Variants in KMT2E observed in about 807,000 individuals in gnomAD.
The protein encoded by KMT2E is histone reader KMT2E.
KMT2E carries 30 observed loss-of-function variants against 184.6 expected under a neutral mutation model. That is an observed-to-expected ratio of 0.16 (90% CI 0.12 to 0.22). The LOEUF is 0.22. Ranked by LOEUF, KMT2E falls within the 10% of genes least tolerant of loss-of-function variation. KMT2E has a pLI of 1.00. For synonymous variants in KMT2E, 815 were observed against 776.5 expected (o/e 1.05, Z -0.82); for missense variants, 2,023 against 2,237.4 (o/e 0.90, Z 1.93).
At chr7:105,031,477 C>T (rs1795414008) in intron 1 of KMT2E, among the ~76,000 whole-genome samples, 1 of 151,958 alleles carries the variant, frequency 6.6e-6, no homozygotes, top group South Asian at 2.1e-4. Context: ...AAAGGTGAGG[C>T]ACGGTGGCTC....
chr7:105,020,572 A>AAACTGC (rs1443958953), intron 1 of KMT2E, among the ~76,000 whole-genome samples: 3 of 152,208 alleles, frequency 2.0e-5, no homozygotes, highest in Non-Finnish European at 4.4e-5. Flanking sequence ...GCAACGAGCG[A>AAACTGC]AACTGCATCT....
intron 15 of KMT2E, among the ~76,000 whole-genome samples, chr7:105,100,160 C>G (rs1798592448): frequency 6.6e-6 from 1 of 152,156 alleles, no homozygotes; most frequent in African/African-American, 2.4e-5. Flanking sequence ...TCAGTTTCCT[C>G]AGAGTCATGT....
intron 1 of KMT2E, among the ~76,000 whole-genome samples, chr7:105,024,626 A>C (rs1381158131): frequency 6.6e-6 from 1 of 152,152 alleles, no homozygotes; most frequent in Non-Finnish European, 1.5e-5. Flanking sequence ...GCTCCAGCTC[A>C]TTTTTATATT....
intron 3 of KMT2E, among the ~76,000 whole-genome samples, chr7:105,051,881 G>A (rs564381168): frequency 6.6e-6 from 1 of 152,142 alleles, no homozygotes; most frequent in African/African-American, 2.4e-5. Context: ...GAACCGCCGC[G>A]CCTGGCCAAA....
chr7:105,068,601 G>A (rs1048913045), intron 6 of KMT2E, among the ~76,000 whole-genome samples: 29 of 145,264 alleles, frequency 2.0e-4, no homozygotes, highest in Admixed American at 2.7e-4. Context: ...TACAGGCATC[G>A]CCACCATGCC....
Position 105,111,854 on chromosome 7 carries a change from T to C in KMT2E, c.4098T>C (p.Ala1366=), listed in dbSNP as rs1584816488. ...GTTCACCTGGATCTGTAATTCCTGCTCAAGCACACGGGAAAATATTCACAA... is the reference window on the plus strand; with the variant it reads ...GTTCACCTGGATCTGTAATTCCTGCCCAAGCACACGGGAAAATATTCACAA... ...KPGSPGSVIP[A]QAHGKIFTKP... The change falls in exon 27 of 27, where the codon GCT becomes GCC. Residue 1366 remains alanine (A), a synonymous_variant. Coordinates refer to ENST00000311117, the MANE Select transcript of KMT2E (RefSeq NM_182931.3). 6.8e-6 allele frequency: 11 copies of C among 1,613,602 alleles called. No individual in the cohort carries two copies. The highest frequency in any genetic ancestry group is 9.3e-6 in the Non-Finnish European group (11 of 1,179,904).
In KMT2E at chr7:105,109,020, A is replaced by G. The variant is rs765742370; in HGVS notation, c.3547A>G (p.Ser1183Gly). 1.2e-6 allele frequency: 2 copies of G among 1,614,140 alleles called. No homozygotes were observed. The highest frequency in any genetic ancestry group is 2.2e-5 in the South Asian group (2 of 91,084). ...TAAGACAGAGAACTTTCCACTCATT[A>G]GTGTATCACCCCATGCAAGTGGAAG... ...GSKTENFPLI[S>G]VSPHASGSLS... The change falls in exon 23 of 27, where the codon AGT becomes GGT. Residue 1183 changes from serine to glycine, a missense_variant. Physicochemically the swap from Ser to Gly is moderately conservative, Grantham distance 56. Around this residue, in one of 8 missense-constraint regions of KMT2E, gnomAD observed 1,108 missense variants for 1,050.9 expected, o/e 1.05. Coordinates refer to ENST00000311117, the MANE Select transcript of KMT2E (RefSeq NM_182931.3).
intron 1 of KMT2E, among the ~76,000 whole-genome samples, chr7:105,018,343 T>C (rs1013623681): frequency 1.3e-5 from 2 of 152,190 alleles, no homozygotes; most frequent in African/African-American, 4.8e-5. Flanking sequence ...ACAGATGCTA[T>C]TTTATGTTTA....
chr7:105,089,051 T>C (rs1210603293), intron 13 of KMT2E, among the ~76,000 whole-genome samples: 3 of 152,268 alleles, frequency 2.0e-5, no homozygotes, highest in African/African-American at 4.8e-5. Context: ...GAAGTAATTA[T>C]GGTTTCTGCC....
chr7:105,048,414 A>T (rs140257606), intron 3 of KMT2E, among the ~76,000 whole-genome samples: 313 of 152,056 alleles, frequency 2.1e-3, no homozygotes, highest in African/African-American at 5.2e-3. Flanking sequence ...ACTGAGTTTT[A>T]AAAAAAACCC....
At chr7:105,085,688 A>AT (rs113145258) in intron 13 of KMT2E, among the ~76,000 whole-genome samples, 47,086 of 147,506 alleles carry the variant, frequency 0.32, 7,720 homozygotes, top group Non-Finnish European at 0.36. Context: ...CTTTAATTTG[A>AT]TTTTTTTTTT....
In KMT2E at chr7:105,066,817, A is replaced by T. The variant is rs1199399925; in HGVS notation, c.497+10A>T. The T allele has an allele frequency of 6.3e-7, 1 of 1,575,172 alleles. No homozygotes were observed. The highest frequency in any genetic ancestry group is 8.7e-7 in the Non-Finnish European group (1 of 1,144,844). Reference sequence around the variant, plus strand: ...AACGTTGTCAGCCTAGGTAAGTTGCACATATCTGATAACATTGCCAGTAAT... The same window carrying T: ...AACGTTGTCAGCCTAGGTAAGTTGCTCATATCTGATAACATTGCCAGTAAT... On this transcript the variant is annotated intron_variant, in intron 6 of 26. Coordinates refer to ENST00000311117, the MANE Select transcript of KMT2E (RefSeq NM_182931.3).
At chr7:105,076,429 A>G (rs1268450192) in intron 9 of KMT2E, among the ~76,000 whole-genome samples, 1 of 152,226 alleles carries the variant, frequency 6.6e-6, no homozygotes, top group Non-Finnish European at 1.5e-5. Flanking sequence ...GAAAATTTGC[A>G]CTTTTGCATA....
intron 1 of KMT2E, among the ~76,000 whole-genome samples, chr7:105,034,700 G>T (rs1795559362): frequency 6.6e-6 from 1 of 152,066 alleles, no homozygotes; most frequent in Admixed American, 6.5e-5. Flanking sequence ...TCACCACAAG[G>T]ATCCTTAATA....
At chr7:105,077,511 A>G (rs961960631) in intron 11 of KMT2E, 78 bp downstream of exon 11, 4 of 1,113,510 alleles carry the variant, frequency 3.6e-6, no homozygotes, top group Non-Finnish European at 5.3e-6. Flanking sequence ...AGATGTTGTG[A>G]TTATATGTAC....
intron 6 of KMT2E, among the ~76,000 whole-genome samples, chr7:105,071,417 A>G (rs1797283883): frequency 6.6e-6 from 1 of 150,424 alleles, no homozygotes; most frequent in South Asian, 2.1e-4. Flanking sequence ...ACCAGGCTGC[A>G]GTGCAGTGGT....
At chr7:105,069,768 A>G (rs1255091574) in intron 6 of KMT2E, among the ~76,000 whole-genome samples, 2 of 152,218 alleles carry the variant, frequency 1.3e-5, no homozygotes, top group South Asian at 2.1e-4. Flanking sequence ...CAGTCACTCT[A>G]TAGAACATTC....
At chr7:105,060,313 CG>C (rs1003779051) in intron 3 of KMT2E, among the ~76,000 whole-genome samples, 1 of 151,908 alleles carries the variant, frequency 6.6e-6, no homozygotes, top group Non-Finnish European at 1.5e-5. Context: ...CACATAACAA[CG>C]TTTCAGTCAA....
intron 11 of KMT2E, among the ~76,000 whole-genome samples, chr7:105,078,196 A>G (rs1022317465): frequency 6.6e-6 from 1 of 152,226 alleles, no homozygotes; most frequent in African/African-American, 2.4e-5. Context: ...TAAATGCACC[A>G]GGAAATGTGA....
Sources: gnomAD v4.1 joint callset for allele counts (sites outside exome capture counted in the v4.1 genomes callset) on GRCh38, gnomAD v4.1.1 for gene constraint, gnomAD v4.1.1 regional missense constraint, MANE v1.5 for transcripts, NCBI Gene and HGNC (gene_info 2026-07-23, HGNC 2026-07-21) for gene names.